CALD1: variants seen among roughly 807,000 people sequenced by gnomAD.
The protein encoded by CALD1 is caldesmon.
Under a neutral mutation model 99.9 loss-of-function variants are expected in CALD1, and 33 were observed. That is an observed-to-expected ratio of 0.33 (90% CI 0.25 to 0.44). CALD1 has a LOEUF of 0.44. Ranked by LOEUF, CALD1 falls within the 20% of genes least tolerant of loss-of-function variation. The pLI is 1.00. For synonymous variants in CALD1, 310 were observed against 325.0 expected, an observed-to-expected ratio of 0.95 and a Z score of 0.50; for missense variants, 861 against 962.1, an observed-to-expected ratio of 0.89 and a Z score of 1.39.
intron 1 of CALD1, among the ~76,000 whole-genome samples, chr7:134,758,572 T>G (rs1796750771): frequency 1.3e-5 from 2 of 151,312 alleles, no homozygotes; most frequent in African/African-American, 4.9e-5. Context: ...AAGTTACTAA[T>G]TGCCACCCAT....
intron 3 of CALD1, among the ~76,000 whole-genome samples, chr7:134,894,524 G>A (rs1178971427): frequency 6.6e-6 from 1 of 152,140 alleles, no homozygotes; most frequent in Non-Finnish European, 1.5e-5. Flanking sequence ...TTTGCTAGAC[G>A]TACTAGGTTA....
chr7:134,846,151 G>T (rs1563040533), intron 2 of CALD1, among the ~76,000 whole-genome samples: 1 of 152,218 alleles, frequency 6.6e-6, no homozygotes, highest in African/African-American at 2.4e-5. Flanking sequence ...AGGCCAGGAT[G>T]AGAATCCTTA....
intron 3 of CALD1, among the ~76,000 whole-genome samples, chr7:134,899,083 A>G (rs951071412): frequency 1.3e-5 from 2 of 152,238 alleles, no homozygotes; most frequent in African/African-American, 4.8e-5. Context: ...TTAAAACAAT[A>G]AACTTTTAGA....
At chr7:134,750,364 G>T (rs1796675225) in intron 1 of CALD1, among the ~76,000 whole-genome samples, 2 of 152,058 alleles carry the variant, frequency 1.3e-5, no homozygotes, top group East Asian at 3.9e-4. Context: ...CAGGAGCGTG[G>T]GTCTGGAGTT....
At chr7:134,831,844 C>A (rs1586056203) in intron 1 of CALD1, among the ~76,000 whole-genome samples, 1 of 151,840 alleles carries the variant, frequency 6.6e-6, no homozygotes, top group Admixed American at 6.6e-5. Context: ...AACTGAGGGG[C>A]GTGTAAAGCA....
At chr7:134,851,883 TG>T (rs1800097574) in intron 2 of CALD1, among the ~76,000 whole-genome samples, 1 of 152,096 alleles carries the variant, frequency 6.6e-6, no homozygotes, top group Admixed American at 6.6e-5. Context: ...AACAAGAATA[TG>T]GGGCAAACAG....
intron 5 of CALD1, 80 bp downstream of exon 5, chr7:134,934,157 G>A: frequency 6.5e-7 from 1 of 1,538,956 alleles, no homozygotes; most frequent in South Asian, 1.3e-5. Context: ...TGGGACTGAG[G>A]CCACATGCAT....
chr7:134,902,428 A>C (rs528797532), intron 3 of CALD1, among the ~76,000 whole-genome samples: 1 of 152,078 alleles, frequency 6.6e-6, no homozygotes, highest in Non-Finnish European at 1.5e-5. Flanking sequence ...TGATCCAGGG[A>C]AGTATCATGA....
intron 2 of CALD1, among the ~76,000 whole-genome samples, chr7:134,865,406 G>A (rs1051624855): frequency 6.6e-6 from 1 of 151,090 alleles, no homozygotes; most frequent in South Asian, 2.1e-4. Flanking sequence ...GTGGTTTTGT[G>A]CTTTCCTCTA....
chr7:134,838,514 G>A (rs943427620), intron 1 of CALD1, among the ~76,000 whole-genome samples: 1 of 152,216 alleles, frequency 6.6e-6, no homozygotes, highest in South Asian at 2.1e-4. Flanking sequence ...GCATTCTTAA[G>A]ATGATAAGTA....
At chr7:134,753,773 A>G (rs10488456) in intron 1 of CALD1, among the ~76,000 whole-genome samples, 28,325 of 152,008 alleles carry the variant, frequency 0.19, 2,781 homozygotes, top group African/African-American at 0.23. Context: ...CTTGACTACA[A>G]ATTGTCTTGT....
intron 3 of CALD1, among the ~76,000 whole-genome samples, chr7:134,927,551 C>CCA (rs1805125749): frequency 2.5e-5 from 1 of 40,382 alleles, no homozygotes; most frequent in African/African-American, 1.1e-4. Flanking sequence ...GACTGTGTCT[C>CCA]AAAAAAAAAA....
At chr7:134,968,281 C>T (rs1320088019) in intron 14 of CALD1, 59 bp from the exon 15 acceptor site, 1 of 1,521,298 alleles carries the variant, frequency 6.6e-7, no homozygotes, top group Non-Finnish European at 9.1e-7. Context: ...GCCTGAAACA[C>T]TGCAGGCTGT....
At chr7:134,877,464 G>A (rs1310118593) in intron 3 of CALD1, among the ~76,000 whole-genome samples, 1 of 152,226 alleles carries the variant, frequency 6.6e-6, no homozygotes, top group East Asian at 1.9e-4. Flanking sequence ...ACATATCAAG[G>A]TCTTTGTCAC....
chr7:134,818,790 G>T lies in CALD1; in HGVS notation c.-129-25094G>T, dbSNP rs17168065. On this transcript the variant is annotated intron_variant, in intron 1 of 14. Coordinates refer to ENST00000361675, the MANE Select transcript of CALD1 (RefSeq NM_033138.4). ...TGCGCCAGAGCTTCTGTGGGCAGCC[G>T]AGCTCCGAGAGGCAGCTGGACATGA... Among the ~76,000 whole-genome samples the T allele has an allele frequency of 5.5e-3, 841 of 152,226 alleles. 6 individuals are homozygous for T. The highest frequency in any genetic ancestry group is 0.02 in the African/African-American group (813 of 41,516).
At chr7:134,904,826 A>T (rs970664880) in intron 3 of CALD1, among the ~76,000 whole-genome samples, 16 of 152,146 alleles carry the variant, frequency 1.1e-4, no homozygotes, top group Admixed American at 4.6e-4. Flanking sequence ...AAAGGGGATT[A>T]TCCTCTTCCA....
At chr7:134,868,613 T>A (rs1441384607) in intron 3 of CALD1, among the ~76,000 whole-genome samples, 1 of 152,194 alleles carries the variant, frequency 6.6e-6, no homozygotes, top group African/African-American at 2.4e-5. Flanking sequence ...AATGACACTT[T>A]AACGATACCA....
chr7:134,892,743 A>G lies in CALD1; in HGVS notation c.71+24939A>G, dbSNP rs559501975. Among the ~76,000 whole-genome samples, 8 of 152,298 alleles carry G rather than the reference A, an allele frequency of 5.3e-5. No homozygotes were observed. In the South Asian group the frequency reaches 1.7e-3, roughly 32 times the overall value. On this transcript the variant is annotated intron_variant, in intron 3 of 14. Transcript: ENST00000361675. ...CAAACTTTTTAAAAAATCAAATTTA[A>G]TCTTAAGGGGAACGCTATTGTATAA...
At chr7:134,735,433 CTT>C in the CALD1 span, among the ~76,000 whole-genome samples, 1 of 152,052 alleles carries the variant, frequency 6.6e-6, no homozygotes, top group Non-Finnish European at 1.5e-5. Context: ...GAAACATAAA[CTT>C]GGGTGGTAAT....
Sources: allele counts gnomAD v4.1 joint callset (sites outside exome capture counted in the v4.1 genomes callset), GRCh38; gene constraint gnomAD v4.1.1; transcripts MANE v1.5; gene names NCBI Gene and HGNC (gene_info 2026-07-23, HGNC 2026-07-21).